Variants in NUMB observed in about 807,000 individuals in gnomAD.
NUMB encodes protein numb homolog.
In NUMB, 29 loss-of-function variants were observed where a neutral mutation model predicts 59.7. That is an observed-to-expected ratio of 0.49 (90% CI 0.36 to 0.66). NUMB has a LOEUF of 0.66. Ranked by LOEUF, NUMB falls within the 30% of genes least tolerant of loss-of-function variation. The pLI, the probability that NUMB is intolerant of heterozygous loss-of-function variation, is 0.00. For synonymous variants in NUMB, 288 were observed against 288.2 expected (o/e 1.00, Z 0.01); for missense variants, 723 against 822.0 (o/e 0.88, Z 1.47).
chr14:73,423,376 C>T (rs892856150), intron 1 of NUMB, among the ~76,000 whole-genome samples: 14 of 151,246 alleles, frequency 9.3e-5, no homozygotes, highest in African/African-American at 2.9e-4. Context: ...CAGTGGCTCA[C>T]GCCTGTAATT....
chr14:73,396,229 T>G (rs1896124097), intron 2 of NUMB, among the ~76,000 whole-genome samples: 1 of 151,742 alleles, frequency 6.6e-6, no homozygotes, highest in Non-Finnish European at 1.5e-5. Context: ...ATTACAGGCA[T>G]GAGCTACCAT....
At chr14:73,427,614 T>C (rs1897644885) in intron 1 of NUMB, among the ~76,000 whole-genome samples, 1 of 152,050 alleles carries the variant, frequency 6.6e-6, no homozygotes, top group Non-Finnish European at 1.5e-5. Flanking sequence ...TCAAAACTAC[T>C]GTACAAGAAA....
intron 1 of NUMB, among the ~76,000 whole-genome samples, chr14:73,412,573 G>C (rs1896944111): frequency 6.7e-6 from 1 of 150,188 alleles, no homozygotes; most frequent in Non-Finnish European, 1.5e-5. Context: ...GTTGCAGTAA[G>C]CCGAGATTGC....
intron 1 of NUMB, among the ~76,000 whole-genome samples, chr14:73,446,722 G>A (rs561331614): frequency 1.1e-4 from 17 of 151,368 alleles, no homozygotes; most frequent in Non-Finnish European, 8.8e-5. Flanking sequence ...AGCAGCTCAA[G>A]ACTAGCCTCG....
intron 2 of NUMB, among the ~76,000 whole-genome samples, chr14:73,394,991 T>C (rs1896046018): frequency 1.3e-5 from 2 of 150,392 alleles, no homozygotes; most frequent in African/African-American, 2.4e-5. Context: ...ATCCACAATG[T>C]TGCAAATGAA....
At chr14:73,410,499 G>C (rs1201617356) in intron 1 of NUMB, among the ~76,000 whole-genome samples, 1 of 152,094 alleles carries the variant, frequency 6.6e-6, no homozygotes, top group Non-Finnish European at 1.5e-5. Flanking sequence ...CTCTAAAAGG[G>C]GAAGGTTGAA....
intron 6 of NUMB, among the ~76,000 whole-genome samples, 185 bp downstream of exon 6, chr14:73,316,205 G>A (rs748756173): frequency 6.6e-6 from 1 of 152,122 alleles, no homozygotes; most frequent in Non-Finnish European, 1.5e-5. Context: ...ATCAGATTTA[G>A]TATCAGTAGA....
intron 1 of NUMB, among the ~76,000 whole-genome samples, chr14:73,448,409 A>T (rs1462422065): frequency 6.6e-6 from 1 of 151,510 alleles, no homozygotes; most frequent in Non-Finnish European, 1.5e-5. Context: ...CCAGGCTTTT[A>T]TCAAAACCCT....
chr14:73,367,294 T>TAC (rs1303814223), intron 2 of NUMB, among the ~76,000 whole-genome samples: 4,192 of 116,532 alleles, frequency 0.036, 143 homozygotes, highest in East Asian at 0.14. Flanking sequence ...TATATATATA[T>TAC]ATACACACAC....
intron 7 of NUMB, among the ~76,000 whole-genome samples, chr14:73,296,828 G>C (rs576189320): frequency 3.8e-4 from 58 of 152,258 alleles, no homozygotes; most frequent in African/African-American, 1.3e-3. Context: ...TTCGAGATCA[G>C]CCTGGCCAAC....
chr14:73,308,543 C>A (rs1044205852), intron 6 of NUMB, among the ~76,000 whole-genome samples: 1 of 152,162 alleles, frequency 6.6e-6, no homozygotes, highest in Non-Finnish European at 1.5e-5. Context: ...AGGCATTAAT[C>A]GCAAAGCTAG....
intron 3 of NUMB, among the ~76,000 whole-genome samples, chr14:73,359,264 T>C (rs1342623973): frequency 6.6e-6 from 1 of 152,210 alleles, no homozygotes; most frequent in East Asian, 1.9e-4. Context: ...GAGAATCACT[T>C]GAACCCAGGA....
chr14:73,419,295 G>T (rs1026421448), intron 1 of NUMB, among the ~76,000 whole-genome samples: 1 of 152,194 alleles, frequency 6.6e-6, no homozygotes, highest in Non-Finnish European at 1.5e-5. Flanking sequence ...CGGATCACAA[G>T]ATCAGGAGAT....
At chr14:73,392,352 T>A (rs943904133) in intron 2 of NUMB, among the ~76,000 whole-genome samples, 1 of 152,234 alleles carries the variant, frequency 6.6e-6, no homozygotes, top group Admixed American at 6.5e-5. Context: ...TTATGAGTCC[T>A]AACTAAAACT....
At chr14:73,361,846 C>T (rs1894110692) in intron 3 of NUMB, among the ~76,000 whole-genome samples, 1 of 152,060 alleles carries the variant, frequency 6.6e-6, no homozygotes, top group African/African-American at 2.4e-5. Context: ...AGGGGCATTT[C>T]AAACAGGGAA....
chr14:73,352,881 C>T (rs1402131607), intron 4 of NUMB, among the ~76,000 whole-genome samples: 2 of 150,890 alleles, frequency 1.3e-5, no homozygotes, highest in East Asian at 3.9e-4. Flanking sequence ...TAACTAAAGT[C>T]TGTTTCCCTC....
At chr14:73,441,672 T>G (rs1427683739) in intron 1 of NUMB, among the ~76,000 whole-genome samples, 1 of 151,918 alleles carries the variant, frequency 6.6e-6, no homozygotes. Context: ...GGCCAGGAGT[T>G]CCAGACCATC....
chr14:73,430,240 C>T (rs1039146248), intron 1 of NUMB, among the ~76,000 whole-genome samples: 6 of 151,846 alleles, frequency 4.0e-5, no homozygotes, highest in African/African-American at 9.7e-5. Context: ...AATAAATACC[C>T]GGGAGTGAAA....
At chr14:73,438,226 T>C (rs1898138448) in intron 1 of NUMB, among the ~76,000 whole-genome samples, 1 of 152,200 alleles carries the variant, frequency 6.6e-6, no homozygotes, top group African/African-American at 2.4e-5. Flanking sequence ...TTTAGCAATA[T>C]TCATTGTGTT....
Sources: allele counts gnomAD v4.1 joint callset (sites outside exome capture counted in the v4.1 genomes callset), GRCh38; gene constraint gnomAD v4.1.1; transcripts MANE v1.5; gene names NCBI Gene and HGNC (gene_info 2026-07-23, HGNC 2026-07-21).